The following ASNS variants were observed in gnomAD, a reference collection of about 807,000 sequenced individuals.
ASNS encodes asparagine synthetase [glutamine-hydrolyzing].
ASNS carries 37 observed loss-of-function variants against 62.6 expected under a neutral mutation model. That is an observed-to-expected ratio of 0.59 (90% CI 0.45 to 0.78). The LOEUF (loss-of-function observed/expected upper bound fraction) is 0.78. ASNS is among the 30% of genes least tolerant of loss of function. The pLI is 0.00. For missense variants in ASNS, 520 were observed against 682.4 expected (o/e 0.76, Z 2.65); for synonymous variants, 207 against 237.9 (o/e 0.87, Z 1.19).
rs201432154 is a variant in ASNS at position 97,852,352 on chromosome 7, G to C, written c.1593C>G (p.Asp531Glu). 6.2e-7 allele frequency: 1 copy of C among 1,614,184 alleles called. No homozygotes were observed. The highest frequency in any genetic ancestry group is 2.2e-5 in the East Asian group (1 of 44,884). Residue 531 changes from aspartate (D) to glutamate (E), a missense_variant, in exon 13 of 13, where the codon GAC becomes GAG. By Grantham distance (45) the Asp-to-Glu change is conservative (BLOSUM62 2). Transcript: ENST00000394308. Reference sequence around the variant, plus strand: ...TGGGCATCCAGTAATGGCTCAGCCAGTCAGCCCGGCCTGGGTAATGGCGTT... The same window carrying C: ...TGGGCATCCAGTAATGGCTCAGCCACTCAGCCCGGCCTGGGTAATGGCGTT... Reference protein sequence around the residue: ...VFERHYPGRADWLSHYWMPKW... With the variant: ...VFERHYPGRAEWLSHYWMPKW...
chr7:97,916,789 G>A, the ASNS span, among the ~76,000 whole-genome samples: 36 of 152,326 alleles, frequency 2.4e-4, no homozygotes, highest in African/African-American at 7.7e-4. Context: ...GCAGCCATCT[G>A]CACACTGTTT....
chr7:97,857,998 G>A (rs1791537719), intron 7 of ASNS, among the ~76,000 whole-genome samples: 1 of 152,086 alleles, frequency 6.6e-6, no homozygotes, highest in African/African-American at 2.4e-5. Context: ...ACAGGTGTAG[G>A]CCACCATGCC....
chr7:97,908,957 C>G, the ASNS span: 3 of 152,096 alleles, frequency 2.0e-5, no homozygotes, highest in East Asian at 5.8e-4. Context: ...TTTGAGACAC[C>G]CTGATGCAAA....
the ASNS span, among the ~76,000 whole-genome samples, chr7:97,884,647 T>G: frequency 1.3e-5 from 2 of 152,140 alleles, no homozygotes; most frequent in Admixed American, 6.5e-5. Flanking sequence ...TTTCTCTACA[T>G]AGTGAACTCA....
At chr7:97,861,301 C>T (rs909230700) in intron 4 of ASNS, among the ~76,000 whole-genome samples, 3 of 152,178 alleles carry the variant, frequency 2.0e-5, no homozygotes, top group African/African-American at 7.2e-5. Flanking sequence ...CATAAGCCAT[C>T]GCGCCTGGCC....
At chr7:97,860,378 T>C (rs1017368680) in intron 4 of ASNS, among the ~76,000 whole-genome samples, 1 of 152,134 alleles carries the variant, frequency 6.6e-6, no homozygotes, top group East Asian at 1.9e-4. Flanking sequence ...TTTCAGAGGG[T>C]AAGTTCCATA....
chr7:97,882,100 C>A, the ASNS span, among the ~76,000 whole-genome samples: 2 of 152,118 alleles, frequency 1.3e-5, no homozygotes, highest in Non-Finnish European at 2.9e-5. Context: ...GATCCACCCA[C>A]CTCAGCCTCC....
intron 6 of ASNS, 32 bp from the exon 7 acceptor site, chr7:97,858,437 A>C: frequency 6.2e-7 from 1 of 1,613,478 alleles, no homozygotes; most frequent in Non-Finnish European, 8.5e-7. Context: ...GAAGTGTCCT[A>C]GTTATGTGCC....
the ASNS span, among the ~76,000 whole-genome samples, chr7:97,901,204 C>CT: frequency 0.021 from 3,110 of 151,480 alleles, 97 homozygotes; most frequent in African/African-American, 0.071. Flanking sequence ...TCTCAGTCAT[C>CT]TTTTTTTTTG....
the ASNS span, among the ~76,000 whole-genome samples, chr7:97,919,071 AT>A: frequency 7.7e-3 from 1,155 of 149,858 alleles, 20 homozygotes; most frequent in African/African-American, 0.026. Context: ...CTACATAAAT[AT>A]TTTTTTTTTG....
chr7:97,912,103 A>T, the ASNS span, among the ~76,000 whole-genome samples: 1 of 152,192 alleles, frequency 6.6e-6, no homozygotes, highest in Non-Finnish European at 1.5e-5. Context: ...CTCCTCCCGC[A>T]AGTTTAGCGC....
At chr7:97,866,120 AC>A (rs1217946753) in intron 3 of ASNS, among the ~76,000 whole-genome samples, 10 of 152,286 alleles carry the variant, frequency 6.6e-5, no homozygotes, top group African/African-American at 2.2e-4. Flanking sequence ...ACACTAAAAA[AC>A]GTGTCTTTTG....
chr7:97,924,439 C>T, the ASNS span, among the ~76,000 whole-genome samples: 6 of 152,298 alleles, frequency 3.9e-5, no homozygotes, highest in Admixed American at 6.5e-5. Flanking sequence ...CTTGAAAGAT[C>T]GTCACCAGGG....
the ASNS span, among the ~76,000 whole-genome samples, chr7:97,883,232 G>A: frequency 6.6e-6 from 1 of 151,912 alleles, no homozygotes; most frequent in Non-Finnish European, 1.5e-5. Flanking sequence ...AAATTCATAT[G>A]TCTAGGGCAT....
At chr7:97,876,522 G>T (rs1396951070), upstream of ASNS, among the ~76,000 whole-genome samples, 1 of 150,928 alleles carries the variant, frequency 6.6e-6, no homozygotes, top group Non-Finnish European at 1.5e-5. Flanking sequence ...CTGCCTCCTG[G>T]ATTCAATCGA....
At chr7:97,880,390 C>T in the ASNS span, among the ~76,000 whole-genome samples, 1 of 152,142 alleles carries the variant, frequency 6.6e-6, no homozygotes, top group African/African-American at 2.4e-5. Flanking sequence ...TCCCAAAGTG[C>T]TGGGATTACA....
chr7:97,912,200 A>T, the ASNS span, among the ~76,000 whole-genome samples: 1 of 152,200 alleles, frequency 6.6e-6, no homozygotes. Context: ...AAACCCGCCC[A>T]AGTCTCTGTC....
At chr7:97,923,824 T>A in the ASNS span, among the ~76,000 whole-genome samples, 1 of 152,080 alleles carries the variant, frequency 6.6e-6, no homozygotes, top group African/African-American at 2.4e-5. Flanking sequence ...TTGGAACATA[T>A]CCCACGAATA....
the ASNS span, among the ~76,000 whole-genome samples, chr7:97,920,847 C>T: frequency 6.6e-6 from 1 of 152,220 alleles, no homozygotes; most frequent in East Asian, 1.9e-4. Context: ...TCAATAACGC[C>T]ACTTCTTGTG....
Sources: gnomAD v4.1 joint callset for allele counts (sites outside exome capture counted in the v4.1 genomes callset) on GRCh38, gnomAD v4.1.1 for gene constraint, MANE v1.5 for transcripts, NCBI Gene and HGNC (gene_info 2026-07-23, HGNC 2026-07-21) for gene names.